The following BDKRB2 variants were observed in gnomAD, a reference collection of about 807,000 sequenced individuals.
The protein encoded by BDKRB2 is B2 bradykinin receptor.
BDKRB2 carries 6 observed loss-of-function variants against 4.0 expected under a neutral mutation model. The ratio of observed to expected loss-of-function variants is 1.49; its 90% CI spans 0.81 to 2.93. The LOEUF (loss-of-function observed/expected upper bound fraction) is 2.93, where lower values mean the gene tolerates loss of function less well. Among genes scored for constraint, BDKRB2 ranks in the 30% most tolerant of loss-of-function variants. The pLI is 0.00. For synonymous variants in BDKRB2, 225 were observed against 215.3 expected, an observed-to-expected ratio of 1.05 and a Z score of -0.40; for missense variants, 478 against 520.1, an observed-to-expected ratio of 0.92 and a Z score of 0.79.
intron 1 of BDKRB2, among the ~76,000 whole-genome samples, chr14:96,229,825 A>G (rs528802217): frequency 6.6e-6 from 1 of 152,286 alleles, no homozygotes; most frequent in South Asian, 2.1e-4. Context: ...AAATTAAATT[A>G]AATTGAAAAT....
At chr14:96,214,098 C>G (rs1195989528) in intron 1 of BDKRB2, among the ~76,000 whole-genome samples, 1 of 152,164 alleles carries the variant, frequency 6.6e-6, no homozygotes, top group Admixed American at 6.5e-5. Context: ...ATCCAAAAGC[C>G]CCAGTCAGAG....
At chr14:96,236,173 C>T (rs1175410771) in intron 1 of BDKRB2, among the ~76,000 whole-genome samples, 1 of 152,140 alleles carries the variant, frequency 6.6e-6, no homozygotes, top group Non-Finnish European at 1.5e-5. Flanking sequence ...CTTGACAGCA[C>T]CTTGTATTGG....
intron 2 of BDKRB2, chr14:96,237,867 G>T (rs1890974953): frequency 8.5e-6 from 11 of 1,287,444 alleles, no homozygotes; most frequent in Non-Finnish European, 1.1e-5. Context: ...CATCCCCTTG[G>T]CTACTGTCTT....
intron 1 of BDKRB2, among the ~76,000 whole-genome samples, chr14:96,229,277 A>T (rs1420720004): frequency 2.6e-5 from 4 of 152,120 alleles, no homozygotes; most frequent in African/African-American, 9.7e-5. Context: ...TTGCAGGGGG[A>T]TATCAGTCAG....
rs2069590 is a variant in BDKRB2 at position 96,242,445 on chromosome 14, A to T, written c.*941A>T. 41,100 of 152,226 alleles carry T rather than the reference A, an allele frequency of 0.27. 5,733 individuals are homozygous for T. The highest frequency in any genetic ancestry group is 0.44 in the East Asian group (2,291 of 5,178). The allele number at this position is 152,226 out of a possible 1,614,324, so 9.4% of individuals were successfully genotyped here. On this transcript the variant is annotated 3_prime_UTR_variant, in exon 3 of 3. Transcript: ENST00000554311. ...GGGTGCTACGTACATGTGAGGCATC[A>T]TTACGCAGACGTAACTGGGATATGT... is the stretch of plus-strand genomic sequence containing the variant.
rs1434025044 is a variant in BDKRB2, at chr14:96,235,329, C to A, written c.-39-1740C>A. 4.5e-4 allele frequency among the ~76,000 whole-genome samples: 51 copies of A among 112,622 alleles called. No homozygotes were observed. The Admixed American group carries it at 6.9e-3, about 15-fold the overall frequency. 73.9% of individuals were successfully genotyped at this position (112,622 alleles called of 152,430 possible). A position where few individuals can be genotyped will look rare whatever the true frequency, so the allele number is the denominator to read the frequency against. On this transcript the variant is annotated intron_variant, in intron 1 of 2. Transcript: ENST00000554311. Reference sequence around the variant, plus strand: ...CGCCATTGTACTCCAGCCTGGGTGACAGAGAGAGACTCCGTCTCAAAAAAA... The same window carrying A: ...CGCCATTGTACTCCAGCCTGGGTGAAAGAGAGAGACTCCGTCTCAAAAAAA...
At chr14:96,239,591 T>C (rs1885217486) in intron 2 of BDKRB2, 1 of 984,976 alleles carries the variant, frequency 1.0e-6, no homozygotes, top group Non-Finnish European at 1.2e-6. Flanking sequence ...AATTGTTAAT[T>C]ACTAATGTTT....
At chr14:96,206,992 T>A (rs1890197664) in intron 1 of BDKRB2, among the ~76,000 whole-genome samples, 1 of 152,108 alleles carries the variant, frequency 6.6e-6, no homozygotes, top group Non-Finnish European at 1.5e-5. Context: ...CTCCCAGGCC[T>A]CCTTTAAAGA....
At chr14:96,216,055 T>G (rs145037688) in intron 1 of BDKRB2, among the ~76,000 whole-genome samples, 142 of 152,312 alleles carry the variant, frequency 9.3e-4, no homozygotes, top group African/African-American at 3.3e-3. Context: ...AAGCAGAGCA[T>G]CTGGGAGGAT....
chr14:96,240,792 G>A lies in BDKRB2; in HGVS notation c.464G>A (p.Arg155His), dbSNP rs1885263708. 1.3e-6 allele frequency: 2 copies of A among 1,554,370 alleles called. No individual in the cohort carries two copies. Among genetic ancestry groups the A allele is most frequent in the Non-Finnish European group, 1.7e-6 (2 of 1,151,468 alleles). ...ICFLMLVSID[R>H]YLALVKTMSM... Reference sequence around the variant, plus strand: ...TTCCTGATGCTGGTGAGCATCGACCGCTACCTGGCCCTGGTGAAAACCATG... The same window carrying A: ...TTCCTGATGCTGGTGAGCATCGACCACTACCTGGCCCTGGTGAAAACCATG... The change falls in exon 3 of 3, where the codon CGC becomes CAC. Residue 155 changes from arginine (R) to histidine (H), a missense_variant. Coordinates refer to ENST00000554311, the MANE Select transcript of BDKRB2 (RefSeq NM_001379692.1).
At chr14:96,227,894 C>T (rs1000159767) in intron 1 of BDKRB2, among the ~76,000 whole-genome samples, 18 of 152,196 alleles carry the variant, frequency 1.2e-4, no homozygotes, top group African/African-American at 2.4e-4. Context: ...AGAAGAGACA[C>T]GGGGTGGCTG....
In BDKRB2 at chr14:96,240,732, C is replaced by A; in HGVS notation, c.404C>A (p.Ala135Asp). The change falls in exon 3 of 3, where the codon GCC becomes GAC. Residue 135 changes from alanine to aspartate, a missense_variant. Coordinates refer to ENST00000554311, the MANE Select transcript of BDKRB2 (RefSeq NM_001379692.1). The part of the protein sequence containing the change: ...FGETLCRVVN[A>D]IISMNLYSSI... ...GAGACGCTCTGCCGCGTGGTGAATG[C>A]CATTATCTCCATGAACCTGTACAGC... is the stretch of plus-strand genomic sequence containing the variant. 1 of 1,597,504 alleles carries A rather than the reference C, an allele frequency of 6.3e-7. No individual in the cohort carries two copies. The highest frequency in any genetic ancestry group is 8.5e-7 in the Non-Finnish European group (1 of 1,172,930).
chr14:96,214,096 G>A (rs571229777), intron 1 of BDKRB2, among the ~76,000 whole-genome samples: 5 of 152,268 alleles, frequency 3.3e-5, no homozygotes, highest in South Asian at 4.1e-4. Context: ...TGATCCAAAA[G>A]CCCCAGTCAG....
At position 96,227,523 on chromosome 14, in the gene BDKRB2, A is replaced by G. The variant is rs978638665; in HGVS notation, c.-39-9546A>G. Among the ~76,000 whole-genome samples the G allele has an allele frequency of 2.6e-5, 4 of 152,214 alleles. No individual in the cohort carries two copies. The South Asian group carries it at 8.3e-4, about 32-fold the overall frequency. On this transcript the variant is annotated intron_variant, in intron 1 of 2. Coordinates refer to ENST00000554311, the MANE Select transcript of BDKRB2 (RefSeq NM_001379692.1). ...ACCCATGCTCTTCCAACATTCATGT[A>G]TGCACGCACACGTGTACACACACGT...
At chr14:96,213,941 G>C (rs530648615) in intron 1 of BDKRB2, among the ~76,000 whole-genome samples, 1 of 152,228 alleles carries the variant, frequency 6.6e-6, no homozygotes, top group Non-Finnish European at 1.5e-5. Context: ...AGCAAAGGTC[G>C]AGAGGTGGGA....
At chr14:96,208,089 C>T (rs1396028798) in intron 1 of BDKRB2, among the ~76,000 whole-genome samples, 1 of 152,176 alleles carries the variant, frequency 6.6e-6, no homozygotes. Context: ...ACTTTCATTT[C>T]CTTGGGGTTT....
chr14:96,230,368 T>A (rs1890790106), intron 1 of BDKRB2, among the ~76,000 whole-genome samples: 1 of 152,124 alleles, frequency 6.6e-6, no homozygotes. Flanking sequence ...TCCCATTAGT[T>A]TTAAATGCTC....
chr14:96,237,260 T>C, intron 2 of BDKRB2, 79 bp downstream of exon 2: 1 of 1,327,680 alleles, frequency 7.5e-7, no homozygotes, highest in Non-Finnish European at 1.1e-6. Context: ...AAAGCTCAAC[T>C]CTCATGCCCC....
rs1885263859 is a variant in BDKRB2 at position 96,240,796 on chromosome 14, C to T, written c.468C>T (p.Tyr156=). 1 of 1,554,270 alleles carries T rather than the reference C, an allele frequency of 6.4e-7. No homozygotes were observed. Among genetic ancestry groups the T allele is most frequent in the East Asian group, 2.2e-5 (1 of 44,464 alleles). ...TGATGCTGGTGAGCATCGACCGCTA[C>T]CTGGCCCTGGTGAAAACCATGTCCA... ...CFLMLVSIDR[Y]LALVKTMSMG... is the part of the protein sequence containing the mutation. Residue 156 remains tyrosine (Y), a synonymous_variant, in exon 3 of 3, where the codon TAC becomes TAT. Transcript: ENST00000554311.
Sources: allele counts gnomAD v4.1 joint callset (sites outside exome capture counted in the v4.1 genomes callset), GRCh38; gene constraint gnomAD v4.1.1; transcripts MANE v1.5; gene names NCBI Gene and HGNC (gene_info 2026-07-23, HGNC 2026-07-21).